EP300: variants seen among roughly 807,000 people sequenced by gnomAD.
EP300 encodes histone acetyltransferase p300.
In EP300, 31 loss-of-function variants were observed where a neutral mutation model predicts 264.0. The ratio of observed to expected loss-of-function variants is 0.12; its 90% confidence interval spans 0.09 to 0.16. The LOEUF (loss-of-function observed/expected upper bound fraction) is 0.16, where lower values mean the gene tolerates loss of function less well. Among genes scored for constraint, EP300 ranks in the 10% least tolerant of loss-of-function variants. The pLI is 1.00. For synonymous variants in EP300, 1,340 were observed against 1,045.4 expected (o/e 1.28, Z -5.44); for missense variants, 2,766 against 3,052.9 (o/e 0.91, Z 2.21).
rs2059219324 is a variant in EP300, at chr22:41,178,689, T to G, written c.6978T>G (p.Ser2326Arg). Residue 2326 changes from serine (S) to arginine (R), a missense_variant, in exon 31 of 31, where the codon AGT (serine) becomes AGG (arginine). Physicochemically the swap from Ser to Arg is moderately radical, Grantham distance 110. Coordinates refer to ENST00000263253, the MANE Select transcript of EP300 (RefSeq NM_001429.4). ...PRPQSQPPHS[S>R]PSPRMQPQPS... Reference sequence around the variant, plus strand: ...CACAGTCCCAGCCCCCCCACTCCAGTCCTTCCCCAAGGATGCAGCCTCAGC... The same window carrying G: ...CACAGTCCCAGCCCCCCCACTCCAGGCCTTCCCCAAGGATGCAGCCTCAGC... 1 of 1,613,928 alleles carries G rather than the reference T, an allele frequency of 6.2e-7. No individual in the cohort carries two copies. Among genetic ancestry groups the G allele is most frequent in the Non-Finnish European group, 8.5e-7 (1 of 1,180,018 alleles).
Position 41,168,440 on chromosome 22 carries a change from C to A in EP300, c.3875-9C>A. The A allele has an allele frequency of 1.9e-6, 3 of 1,614,074 alleles. No individual in the cohort carries two copies. The highest frequency in any genetic ancestry group is 2.5e-6 in the Non-Finnish European group (3 of 1,179,992). On this transcript the variant is annotated splice_polypyrimidine_tract_variant and intron_variant, in intron 23 of 30. Transcript: ENST00000263253. ...GCACCTCAGTAACTTTTAACTTTTA[C>A]ATTCCTAGGGTTGCCATCTACCAGA...
chr22:41,158,735 A>G (rs1033617418), intron 19 of EP300: 2 of 512,034 alleles, frequency 3.9e-6, no homozygotes, highest in Admixed American at 3.1e-5. Flanking sequence ...AAGTTAAGCA[A>G]CTTTGTGAGT....
At chr22:41,150,913 A>G (rs946891591) in intron 14 of EP300, among the ~76,000 whole-genome samples, 3 of 151,646 alleles carry the variant, frequency 2.0e-5, no homozygotes, top group African/African-American at 7.3e-5. Context: ...AAAATTGCAG[A>G]TTTATGAGTC....
intron 1 of EP300, among the ~76,000 whole-genome samples, chr22:41,097,245 T>G (rs2058707435): frequency 6.6e-6 from 1 of 152,224 alleles, no homozygotes; most frequent in Non-Finnish European, 1.5e-5. Flanking sequence ...TGAGATAAAG[T>G]GACTTTTAAG....
chr22:41,149,627 A>T, intron 13 of EP300, 134 bp from the exon 14 acceptor site: 2 of 942,602 alleles, frequency 2.1e-6, no homozygotes, highest in Non-Finnish European at 1.7e-6. Context: ...AGGGTATTTT[A>T]CACATTTTGA....
At chr22:41,167,061 G>C (rs570056590) in intron 23 of EP300, among the ~76,000 whole-genome samples, 3 of 152,172 alleles carry the variant, frequency 2.0e-5, no homozygotes, top group Admixed American at 6.5e-5. Context: ...GCAGTGGCAC[G>C]ATCTCAGCTC....
intron 7 of EP300, 78 bp from the exon 8 acceptor site, chr22:41,137,575 A>T: frequency 6.3e-7 from 1 of 1,575,420 alleles, no homozygotes; most frequent in Non-Finnish European, 8.7e-7. Context: ...CCATTACAAT[A>T]ATCAGTGTCA....
At chr22:41,176,078 G>T (rs977263703) in intron 29 of EP300, 169 bp from the exon 30 acceptor site, 4 of 729,606 alleles carry the variant, frequency 5.5e-6, no homozygotes, top group Non-Finnish European at 9.2e-6. Flanking sequence ...AAATTAGCCA[G>T]GTGTGGTGGT....
At chr22:41,099,810 A>G (rs1373184794) in intron 1 of EP300, among the ~76,000 whole-genome samples, 4 of 152,222 alleles carry the variant, frequency 2.6e-5, no homozygotes, top group Non-Finnish European at 4.4e-5. Flanking sequence ...ACAATCTGAT[A>G]ACTGAGATGG....
intron 2 of EP300, among the ~76,000 whole-genome samples, chr22:41,119,193 T>A (rs930169625): frequency 2.0e-4 from 23 of 114,708 alleles, no homozygotes; most frequent in South Asian, 6.9e-4. Context: ...TTTTTTTTTT[T>A]TTTTTTTTAA....
intron 1 of EP300, among the ~76,000 whole-genome samples, chr22:41,104,209 T>G (rs2058745943): frequency 1.3e-5 from 2 of 152,166 alleles, no homozygotes; most frequent in Non-Finnish European, 2.9e-5. Context: ...AGCACACAAT[T>G]TAGGCTTACT....
chr22:41,156,146 T>C (rs1340542934), intron 17 of EP300, among the ~76,000 whole-genome samples: 3 of 152,072 alleles, frequency 2.0e-5, no homozygotes, highest in Non-Finnish European at 4.4e-5. Flanking sequence ...CCCGAGTAGC[T>C]GGGATTACAG....
At chr22:41,099,157 C>T (rs530701815) in intron 1 of EP300, among the ~76,000 whole-genome samples, 3 of 152,104 alleles carry the variant, frequency 2.0e-5, no homozygotes, top group African/African-American at 4.8e-5. Flanking sequence ...CTCCGTCTCC[C>T]GGCTTCAAGC....
chr22:41,103,475 G>A (rs967621060), intron 1 of EP300, among the ~76,000 whole-genome samples: 13 of 152,148 alleles, frequency 8.5e-5, no homozygotes, highest in Admixed American at 7.9e-4. Context: ...TTTTTTAAAT[G>A]TTATATATAA....
At chr22:41,094,090 C>T (rs2058689228) in intron 1 of EP300, among the ~76,000 whole-genome samples, 4 of 152,212 alleles carry the variant, frequency 2.6e-5, no homozygotes, top group African/African-American at 9.6e-5. Context: ...AGGGAGACTT[C>T]TTCCATCATC....
chr22:41,172,770 G>C, intron 28 of EP300, 107 bp downstream of exon 28: 1 of 1,223,740 alleles, frequency 8.2e-7, no homozygotes, highest in Non-Finnish European at 1.2e-6. Context: ...GTGTAAAAGA[G>C]CTCTTTAAGT....
At chr22:41,099,731 A>C (rs911976419) in intron 1 of EP300, among the ~76,000 whole-genome samples, 3 of 152,206 alleles carry the variant, frequency 2.0e-5, no homozygotes, top group Admixed American at 2.0e-4. Context: ...TTTTGGACTT[A>C]GGGACTGTCA....
At chr22:41,146,366 C>A (rs572337487) in intron 10 of EP300, among the ~76,000 whole-genome samples, 2 of 152,176 alleles carry the variant, frequency 1.3e-5, no homozygotes, top group Admixed American at 1.3e-4. Flanking sequence ...AGGGTTTCGC[C>A]ATGTTGGCTA....
intron 14 of EP300, among the ~76,000 whole-genome samples, chr22:41,151,201 A>G (rs750141806): frequency 2.6e-5 from 4 of 152,148 alleles, no homozygotes; most frequent in Non-Finnish European, 5.9e-5. Context: ...TACTTGACGG[A>G]TGGCTGGTTC....
Sources: allele counts gnomAD v4.1 joint callset (sites outside exome capture counted in the v4.1 genomes callset), GRCh38; gene constraint gnomAD v4.1.1; transcripts MANE v1.5; gene names NCBI Gene and HGNC (gene_info 2026-07-23, HGNC 2026-07-21).